SCCPDH: variants seen among roughly 807,000 people sequenced by gnomAD.
SCCPDH encodes the protein saccharopine dehydrogenase (putative), also known as saccharopine dehydrogenase-like oxidoreductase.
In SCCPDH, 34 loss-of-function variants were observed where a neutral mutation model predicts 51.5. The ratio of observed to expected loss-of-function variants is 0.66; its 90% confidence interval spans 0.50 to 0.88. SCCPDH has a LOEUF of 0.88. Ranked by LOEUF, SCCPDH falls within the 40% of genes least tolerant of loss-of-function variation. The pLI is 0.00. For missense variants in SCCPDH, 464 were observed against 527.1 expected, an observed-to-expected ratio of 0.88 and a Z score of 1.17; for synonymous variants, 187 against 191.3, an observed-to-expected ratio of 0.98 and a Z score of 0.19.
At chr1:246,759,932 T>C (rs757838235) in intron 7 of SCCPDH, 25 bp from the exon 8 acceptor site, 5 of 1,599,854 alleles carry the variant, frequency 3.1e-6, no homozygotes, top group Non-Finnish European at 4.3e-6. Context: ...AGTAATGTTC[T>C]AACTTTGTCT....
At chr1:246,742,042 C>T (rs7516078) in intron 4 of SCCPDH, among the ~76,000 whole-genome samples, 1,678 of 152,300 alleles carry the variant, frequency 0.011, 28 homozygotes, top group African/African-American at 0.039. Flanking sequence ...GCACTCCAGC[C>T]TGGGCGATGG....
intron 5 of SCCPDH, among the ~76,000 whole-genome samples, chr1:246,747,185 T>C (rs1051878119): frequency 2.6e-5 from 4 of 152,256 alleles, no homozygotes; most frequent in African/African-American, 4.8e-5. Context: ...TCTGCTTTTC[T>C]TTATGTAGGC....
chr1:246,759,463 G>A (rs1668980847), intron 7 of SCCPDH, among the ~76,000 whole-genome samples: 1 of 152,164 alleles, frequency 6.6e-6, no homozygotes, highest in Admixed American at 6.5e-5. Context: ...TCTTTTGCTT[G>A]TGGAAATGTC....
chr1:246,756,739 G>C (rs1668938195), intron 5 of SCCPDH, among the ~76,000 whole-genome samples: 1 of 152,282 alleles, frequency 6.6e-6, no homozygotes, highest in Non-Finnish European at 1.5e-5. Context: ...ATGAAAGTTA[G>C]ATTTGGTATC....
intron 5 of SCCPDH, among the ~76,000 whole-genome samples, chr1:246,745,757 T>TA (rs1242423037): frequency 1.3e-5 from 2 of 152,092 alleles, no homozygotes; most frequent in African/African-American, 4.8e-5. Flanking sequence ...GACTCTTTAG[T>TA]AGAGTATAAG....
intron 4 of SCCPDH, 39 bp from the exon 5 acceptor site, chr1:246,744,037 T>G: frequency 8.0e-7 from 1 of 1,251,152 alleles, no homozygotes; most frequent in Non-Finnish European, 1.2e-6. Context: ...ATTTAGATGT[T>G]ATTTTATTTT....
intron 2 of SCCPDH, among the ~76,000 whole-genome samples, chr1:246,733,983 A>G (rs988149704): frequency 1.3e-5 from 2 of 152,182 alleles, no homozygotes; most frequent in Non-Finnish European, 2.9e-5. Context: ...TTGGGAGAGT[A>G]GGTGAGATTT....
chr1:246,754,583 G>C (rs1175971104), intron 5 of SCCPDH, among the ~76,000 whole-genome samples: 1 of 152,200 alleles, frequency 6.6e-6, no homozygotes. Flanking sequence ...GCTTCGGCAA[G>C]ACTCACGTCT....
intron 5 of SCCPDH, among the ~76,000 whole-genome samples, chr1:246,753,590 G>T (rs1371457112): frequency 6.6e-6 from 1 of 151,878 alleles, no homozygotes; most frequent in African/African-American, 2.4e-5. Context: ...ATATTTTCTT[G>T]AGGGGCTGCA....
In SCCPDH at chr1:246,736,007, A is replaced by G. The variant is rs1430672791; in HGVS notation, c.336A>G (p.Ala112=). The G allele has an allele frequency of 3.7e-6, 6 of 1,612,860 alleles. No homozygotes were observed. The highest frequency in any genetic ancestry group is 5.1e-6 in the Non-Finnish European group (6 of 1,179,024). Residue 112 remains alanine, a synonymous_variant, in exon 3 of 12, where the codon GCA becomes GCG. Transcript: ENST00000366510. ...YRFYGEPVIK[A]CIENGASCID... is the part of the protein sequence containing the mutation. ...TTTATGGAGAACCTGTAATAAAAGC[A>G]TGTATTGAAAATGGAGCCAGTTGTA...
chr1:246,730,848 C>T lies in SCCPDH; in HGVS notation c.303+3844C>T, dbSNP rs181041692. ...CTGAGGTGGGCAGATCACTTGAGGT[C>T]GGGAGTTTGAGACCAGCCTGGCCAA... On this transcript the variant is annotated intron_variant, in intron 2 of 11. Coordinates refer to ENST00000366510, the MANE Select transcript of SCCPDH (RefSeq NM_016002.3). 5.2e-3 allele frequency among the ~76,000 whole-genome samples: 797 copies of T among 152,134 alleles called. 5 individuals are homozygous for T. The highest frequency in any genetic ancestry group is 9.8e-3 in the Non-Finnish European group (669 of 67,986).
intron 5 of SCCPDH, among the ~76,000 whole-genome samples, chr1:246,757,120 G>A (rs1326656392): frequency 2.0e-5 from 3 of 152,174 alleles, no homozygotes; most frequent in Admixed American, 6.5e-5. Flanking sequence ...AAGGCGGGCG[G>A]CTTGCCTGAG....
intron 5 of SCCPDH, among the ~76,000 whole-genome samples, chr1:246,756,664 C>G (rs542504123): frequency 1.3e-5 from 2 of 152,206 alleles, no homozygotes; most frequent in African/African-American, 4.8e-5. Context: ...GATAACAAAT[C>G]AAACCTTTAA....
chr1:246,740,385 T>C (rs2102983728), intron 4 of SCCPDH, 84 bp downstream of exon 4: 4 of 1,251,330 alleles, frequency 3.2e-6, no homozygotes, highest in East Asian at 4.9e-5. Flanking sequence ...AACTAAAATC[T>C]AGTTGAAAAA....
intron 2 of SCCPDH, among the ~76,000 whole-genome samples, chr1:246,732,502 C>T (rs760308912): frequency 1.1e-4 from 16 of 152,056 alleles, no homozygotes; most frequent in Non-Finnish European, 2.1e-4. Flanking sequence ...ATTCTCCTGT[C>T]TCAGCCTCCT....
intron 5 of SCCPDH, among the ~76,000 whole-genome samples, chr1:246,751,442 T>C (rs1010731252): frequency 4.6e-5 from 7 of 152,210 alleles, no homozygotes; most frequent in African/African-American, 1.7e-4. Context: ...GCTTAAACCT[T>C]CAAAACAATT....
intron 1 of SCCPDH, among the ~76,000 whole-genome samples, chr1:246,726,269 A>T (rs1174920847): frequency 6.6e-6 from 1 of 151,644 alleles, no homozygotes; most frequent in Non-Finnish European, 1.5e-5. Context: ...ACAAGTTCTC[A>T]TTCTGCCACC....
Position 246,767,220 on chromosome 1 carries a change from G to A in SCCPDH, c.1210G>A (p.Ala404Thr), listed in dbSNP as rs1669098417. The A allele has an allele frequency of 1.2e-6, 2 of 1,610,268 alleles. No individual in the cohort carries two copies. The highest frequency in any genetic ancestry group is 8.5e-7 in the Non-Finnish European group (1 of 1,177,906). Reference protein sequence around the residue: ...KAGGVFTPGAAFSKTKLIDRL... With the variant: ...KAGGVFTPGATFSKTKLIDRL... ...GGGCGGGGTCTTCACACCTGGAGCA[G>A]CTTTTTCCAAAACAAAGTTGATTGA... The change falls in exon 12 of 12, where the codon GCT (alanine) becomes ACT (threonine). Residue 404 changes from alanine (A) to threonine (T), a missense_variant. By Grantham distance (58) the Ala-to-Thr change is moderately conservative (BLOSUM62 0). Transcript: ENST00000366510.
At chr1:246,748,443 TG>T (rs1668795993) in intron 5 of SCCPDH, among the ~76,000 whole-genome samples, 1 of 152,224 alleles carries the variant, frequency 6.6e-6, no homozygotes, top group Non-Finnish European at 1.5e-5. Context: ...GGTACAACAC[TG>T]AGTTTCAATC....
Sources: allele counts gnomAD v4.1 joint callset (sites outside exome capture counted in the v4.1 genomes callset), GRCh38; gene constraint gnomAD v4.1.1; transcripts MANE v1.5; gene names NCBI Gene and HGNC (gene_info 2026-07-23, HGNC 2026-07-21).